Variants in DUOX1 observed in about 807,000 individuals in gnomAD.
The protein encoded by DUOX1 is NADPH thyroid oxidase 1.
In DUOX1, 134 loss-of-function variants were observed where a neutral mutation model predicts 181.8. The observed-to-expected ratio is 0.74, with a 90% CI of 0.64 to 0.85. The LOEUF is 0.85. Among genes scored for constraint, DUOX1 ranks in the 40% least tolerant of loss-of-function variants. The pLI is 0.00. For missense variants in DUOX1, 1,814 were observed against 2,064.4 expected (o/e 0.88, Z 2.35); for synonymous variants, 798 against 832.5 (o/e 0.96, Z 0.71).
chr15:45,138,197 C>T (rs1283679905), intron 10 of DUOX1, among the ~76,000 whole-genome samples, 183 bp downstream of exon 10: 1 of 151,996 alleles, frequency 6.6e-6, no homozygotes, highest in Non-Finnish European at 1.5e-5. Context: ...CAGGCATCTC[C>T]CCTACAAAGT....
intron 20 of DUOX1, 111 bp downstream of exon 20, chr15:45,148,108 C>G (rs1290274975): frequency 2.8e-6 from 4 of 1,413,760 alleles, no homozygotes; most frequent in Admixed American, 1.7e-5. Context: ...CTCCTCCTTA[C>G]CCATGTAACC....
intron 14 of DUOX1, 105 bp from the exon 15 acceptor site, chr15:45,141,870 C>T: frequency 7.4e-7 from 1 of 1,354,754 alleles, no homozygotes; most frequent in Non-Finnish European, 1.0e-6. Flanking sequence ...CCCTCAGCTA[C>T]CCAGAGTGCC....
In DUOX1 at chr15:45,155,874, G is replaced by A. The variant is rs2292466; in HGVS notation, c.3647G>A (p.Arg1216His). ...YVFASHHFRR[R>H]SFRGFWLTHH... ...TTTGCCTCCCACCACTTCCGCCGCCGCAGTTTCCGGGGCTTCTGGCTGACC... is the reference window on the plus strand; with the variant it reads ...TTTGCCTCCCACCACTTCCGCCGCCACAGTTTCCGGGGCTTCTGGCTGACC... Residue 1216 changes from arginine (R) to histidine (H), a missense_variant, in exon 28 of 34, where the codon CGC becomes CAC. This residue lies in a region of DUOX1 where 279 missense variants were observed against 381.9 expected (regional missense o/e 0.73). Coordinates refer to ENST00000389037, the MANE Select transcript of DUOX1 (RefSeq NM_175940.3). The A allele has an allele frequency of 9.9e-6, 16 of 1,614,112 alleles. No individual in the cohort carries two copies. The highest frequency in any genetic ancestry group is 5.0e-5 in the Admixed American group (3 of 60,018).
At chr15:45,138,582 G>C (rs1896400686) in intron 10 of DUOX1, 1 of 159,720 alleles carries the variant, frequency 6.3e-6, no homozygotes, top group Non-Finnish European at 1.4e-5. Flanking sequence ...TGTGTAAAGT[G>C]TTTACTAAGG....
rs1462750652 is a variant in DUOX1 at position 45,140,905 on chromosome 15, C to T, written c.1400C>T (p.Ala467Val). The T allele has an allele frequency of 3.7e-6, 6 of 1,613,912 alleles. No homozygotes were observed. Among genetic ancestry groups the T allele is most frequent in the Non-Finnish European group, 5.1e-6 (6 of 1,179,918 alleles). Residue 467 changes from alanine to valine, a missense_variant, in exon 13 of 34, where the codon GCC (alanine) becomes GTC (valine). Physicochemically the swap from Ala to Val is moderately conservative, Grantham distance 64. This residue lies in a region of DUOX1 where 1,064 missense variants were observed against 1,152.9 expected (regional missense o/e 0.92). Transcript: ENST00000389037. The stretch of plus-strand genomic sequence containing the variant: ...CCTTCTTGGTTCCAGGTACTGGAGG[C>T]CACAGCTGCCCTGTACAACCAGGAC... Reference protein sequence around the residue: ...LSRSNDTVLEATAALYNQDLS... With the variant: ...LSRSNDTVLEVTAALYNQDLS...
chr15:45,151,212 AC>A lies in DUOX1; in HGVS notation c.2981del (p.Pro994LeufsTer13), dbSNP rs749128318. The A allele has an allele frequency of 1.9e-6, 3 of 1,614,038 alleles. No individual in the cohort carries two copies. The South Asian group carries it at 3.3e-5, about 18-fold the overall frequency. ...AGACTGCAGTGCCCCATGGACACAG[AC>A]CCTCCCCAGGAGATTCGGCGGAGGT... ...PQRLQCPMDT[D>X]PPQEIRRRFG... is the part of the protein sequence containing the mutation. On this transcript the variant is annotated frameshift_variant, in exon 23 of 34. Coordinates refer to ENST00000389037, the MANE Select transcript of DUOX1 (RefSeq NM_175940.3). LOFTEE classifies it high-confidence loss of function.
At chr15:45,150,498 G>A (rs896696353) in intron 21 of DUOX1, 134 bp from the exon 22 acceptor site, 12 of 808,594 alleles carry the variant, frequency 1.5e-5, no homozygotes, top group South Asian at 8.2e-5. Flanking sequence ...TGGAGCACCC[G>A]AAAGCAGGGC....
At chr15:45,156,186 C>G (rs1039253113) in intron 28 of DUOX1, among the ~76,000 whole-genome samples, 12 of 152,194 alleles carry the variant, frequency 7.9e-5, no homozygotes, top group Admixed American at 1.3e-4. Flanking sequence ...CCATTCCTCG[C>G]AGACACCTCC....
chr15:45,156,386 AT>A (rs1896970133), intron 28 of DUOX1, among the ~76,000 whole-genome samples: 1 of 152,216 alleles, frequency 6.6e-6, no homozygotes, highest in Non-Finnish European at 1.5e-5. Flanking sequence ...TGTACAGTAT[AT>A]AAGCTTGTTC....
In DUOX1 at chr15:45,165,104, G is replaced by C. The variant is rs73408306; in HGVS notation, c.*203G>C. ...ATGTGTCTCAGCCTGGAGAAATGGT[G>C]GGGGGGCAGTGTCTAGGGACTAGAG... On this transcript the variant is annotated 3_prime_UTR_variant, in exon 34 of 34. Transcript: ENST00000389037. 9.6e-5 allele frequency: 58 copies of C among 603,730 alleles called. 1 individual carries two copies. Among genetic ancestry groups the C allele is most frequent in the East Asian group, 4.8e-4 (17 of 35,720 alleles). The allele number at this position is 603,730 out of a possible 1,614,324, so 37.4% of individuals were successfully genotyped here. A position where few individuals can be genotyped will look rare whatever the true frequency, so the allele number is the denominator to read the frequency against.
rs868316371 is a variant in DUOX1, at chr15:45,161,448, G to A, written c.3857-290G>A. ...AAAAAAAAAAAAAAAAAAGGAAGGA[G>A]GGAGGGAGGGAGGGAGGAAGGAAGG... On this transcript the variant is annotated intron_variant, in intron 29 of 33. Coordinates refer to ENST00000389037, the MANE Select transcript of DUOX1 (RefSeq NM_175940.3). 4.2e-3 allele frequency among the ~76,000 whole-genome samples: 488 copies of A among 114,828 alleles called. 2 individuals carry two copies. Among genetic ancestry groups the A allele is most frequent in the African/African-American group, 0.013 (446 of 34,652 alleles). The allele number at this position is 114,828 out of a possible 152,430, so 75.3% of individuals were successfully genotyped here.
In DUOX1 at chr15:45,137,958, C is replaced by A; in HGVS notation, c.1057C>A (p.Arg353=). The change falls in exon 10 of 34, where the codon CGG becomes AGG. Residue 353 remains arginine, a synonymous_variant. Coordinates refer to ENST00000389037, the MANE Select transcript of DUOX1 (RefSeq NM_175940.3). ...ASCHFQGVIN[R]NSSVSRALRV... is the part of the protein sequence containing the mutation. Reference sequence around the variant, plus strand: ...CTGCCACTTCCAGGGGGTCATCAATCGGAACTCAAGTGTCTCCAGAGCTCT... The same window carrying A: ...CTGCCACTTCCAGGGGGTCATCAATAGGAACTCAAGTGTCTCCAGAGCTCT... 1 of 1,609,738 alleles carries A rather than the reference C, an allele frequency of 6.2e-7. No homozygotes were observed. The highest frequency in any genetic ancestry group is 8.5e-7 in the Non-Finnish European group (1 of 1,177,582).
intron 28 of DUOX1, among the ~76,000 whole-genome samples, chr15:45,158,518 G>A (rs1428640389): frequency 6.6e-6 from 1 of 151,840 alleles, no homozygotes; most frequent in Non-Finnish European, 1.5e-5. Context: ...AGACCAGTCT[G>A]GCCAACATGG....
intron 25 of DUOX1, 71 bp downstream of exon 25, chr15:45,152,587 C>T (rs1163290988): frequency 1.5e-6 from 2 of 1,365,650 alleles, no homozygotes; most frequent in Non-Finnish European, 2.1e-6. Context: ...CGTATGAGAG[C>T]CCCCCTCTCT....
chr15:45,137,834 T>A, intron 9 of DUOX1, 90 bp from the exon 10 acceptor site: 1 of 1,010,732 alleles, frequency 9.9e-7, no homozygotes, highest in Non-Finnish European at 1.4e-6. Flanking sequence ...TGGCCTGGGG[T>A]CCCTGGATAC....
At chr15:45,139,207 G>T (rs758559825) in intron 11 of DUOX1, 39 bp downstream of exon 11, 9 of 1,613,530 alleles carry the variant, frequency 5.6e-6, no homozygotes, top group South Asian at 1.1e-5. Flanking sequence ...TGAACTCCTG[G>T]CCTCTGGGAA....
chr15:45,151,252 T>C lies in DUOX1; in HGVS notation c.3014+4T>C. The C allele has an allele frequency of 6.2e-7, 1 of 1,613,602 alleles. No homozygotes were observed. ...TTCGGCGGAGGTTTGGCAAGAAGTATGTCTGCTCTTCCCCTTAAGCCCAGG... is the reference window on the plus strand; with the variant it reads ...TTCGGCGGAGGTTTGGCAAGAAGTACGTCTGCTCTTCCCCTTAAGCCCAGG... On this transcript the variant is annotated splice_donor_region_variant and intron_variant, in intron 23 of 33. Coordinates refer to ENST00000389037, the MANE Select transcript of DUOX1 (RefSeq NM_175940.3).
Position 45,151,874 on chromosome 15 carries a change from G to C in DUOX1, c.3015G>C (p.Lys1005Asn), listed in dbSNP as rs774532656. The C allele has an allele frequency of 5.6e-6, 9 of 1,611,530 alleles. No homozygotes were observed. In the Admixed American group the frequency reaches 1.5e-4, roughly 27 times the overall value. Residue 1005 changes from lysine (K) to asparagine (N), a missense_variant and splice_region_variant, in exon 24 of 34, where the codon AAG becomes AAC. Coordinates refer to ENST00000389037, the MANE Select transcript of DUOX1 (RefSeq NM_175940.3). ...AAGGCTAAGGCTTCCTGTCTCCCAG[G>C]GTAACGTCATTCCAGCCCTTGCTGT... is the stretch of plus-strand genomic sequence containing the variant. ...PQEIRRRFGK[K>N]VTSFQPLLFT... is the part of the protein sequence containing the mutation.
At chr15:45,163,470 A>C in intron 31 of DUOX1, 62 bp from the exon 32 acceptor site, 1 of 1,602,080 alleles carries the variant, frequency 6.2e-7, no homozygotes, top group Non-Finnish European at 8.5e-7. Flanking sequence ...CAGTATGGAC[A>C]CCCCTGGGGT....
Sources: gnomAD v4.1 joint callset for allele counts (sites outside exome capture counted in the v4.1 genomes callset) on GRCh38, gnomAD v4.1.1 for gene constraint, gnomAD v4.1.1 regional missense constraint, MANE v1.5 for transcripts, NCBI Gene and HGNC (gene_info 2026-07-23, HGNC 2026-07-21) for gene names.